The following SPOCK1 variants were observed in gnomAD, a reference collection of about 807,000 sequenced individuals.
The protein encoded by SPOCK1 is SPARC (osteonectin), cwcv and kazal like domains proteoglycan 1.
Under a neutral mutation model 55.3 loss-of-function variants are expected in SPOCK1, and 23 were observed. That is an observed-to-expected ratio of 0.42 (90% CI 0.30 to 0.59). The LOEUF is 0.59. SPOCK1 is among the 20% of genes least tolerant of loss of function. The pLI, the probability that SPOCK1 is intolerant of heterozygous loss-of-function variation, is 0.22. For missense variants in SPOCK1, 499 were observed against 552.5 expected (o/e 0.90, Z 0.97); for synonymous variants, 226 against 221.0 (o/e 1.02, Z -0.20).
At chr5:137,253,527 G>A (rs1756577618) in intron 3 of SPOCK1, among the ~76,000 whole-genome samples, 1 of 152,110 alleles carries the variant, frequency 6.6e-6, no homozygotes. Context: ...CCTTATCACA[G>A]AACTGCCTAA....
chr5:137,072,684 C>A (rs958701209), intron 5 of SPOCK1, among the ~76,000 whole-genome samples: 2 of 152,242 alleles, frequency 1.3e-5, no homozygotes, highest in African/African-American at 4.8e-5. Flanking sequence ...CAGGTCTCAA[C>A]CGAGTACATT....
intron 3 of SPOCK1, among the ~76,000 whole-genome samples, chr5:137,145,185 A>C (rs1464783465): frequency 6.6e-6 from 1 of 152,246 alleles, no homozygotes. Context: ...CAAACCAAGA[A>C]TGAATTAATT....
At chr5:137,196,173 G>A (rs1051691867) in intron 3 of SPOCK1, among the ~76,000 whole-genome samples, 12 of 152,092 alleles carry the variant, frequency 7.9e-5, no homozygotes, top group South Asian at 4.2e-4. Context: ...GTCCATCTAC[G>A]TGCCACCATC....
intron 6 of SPOCK1, among the ~76,000 whole-genome samples, chr5:137,011,428 C>A (rs1751346247): frequency 6.6e-6 from 1 of 152,144 alleles, no homozygotes. Context: ...AGATTGAATT[C>A]ATGGTGTAAT....
At chr5:137,414,165 G>A (rs181256829) in intron 2 of SPOCK1, among the ~76,000 whole-genome samples, 1 of 152,340 alleles carries the variant, frequency 6.6e-6, no homozygotes, top group East Asian at 1.9e-4. Flanking sequence ...TTAGGGATCA[G>A]ACAGATTCTG....
chr5:137,204,426 G>C (rs571639496), intron 3 of SPOCK1, among the ~76,000 whole-genome samples: 1 of 152,130 alleles, frequency 6.6e-6, no homozygotes, highest in Non-Finnish European at 1.5e-5. Flanking sequence ...AGATTGGAAA[G>C]AGGGAAACAT....
At chr5:137,395,329 C>T (rs1434314706) in intron 2 of SPOCK1, among the ~76,000 whole-genome samples, 4 of 152,190 alleles carry the variant, frequency 2.6e-5, no homozygotes, top group Non-Finnish European at 5.9e-5. Context: ...GATTTATCAG[C>T]CATACGAACA....
At chr5:137,004,054 GA>G (rs1373420466) in intron 6 of SPOCK1, among the ~76,000 whole-genome samples, 2 of 152,136 alleles carry the variant, frequency 1.3e-5, no homozygotes, top group African/African-American at 4.8e-5. Context: ...GTGCCATGGG[GA>G]TATGGGTTGA....
chr5:137,087,700 G>C (rs1245182824), intron 5 of SPOCK1, among the ~76,000 whole-genome samples: 1 of 152,222 alleles, frequency 6.6e-6, no homozygotes, highest in Non-Finnish European at 1.5e-5. Context: ...CCAGGACCTT[G>C]GTGTGCAGGA....
chr5:136,988,618 GATGGGC>G lies in SPOCK1; in HGVS notation c.726_731del (p.Pro243_Ile244del). 1 of 1,613,446 alleles carries G rather than the reference GATGGGC, an allele frequency of 6.2e-7. No homozygotes were observed. Among genetic ancestry groups the G allele is most frequent in the Non-Finnish European group, 8.5e-7 (1 of 1,179,592 alleles). Reference sequence around the variant, plus strand: ...ACATCCAGCCCAGGGAGTCCTTGCAGATGGGCAGGATGCTAGTGTCAAACCCTGCCA... The same window carrying G: ...ACATCCAGCCCAGGGAGTCCTTGCAGAGGATGCTAGTGTCAAACCCTGCCA... On this transcript the variant is annotated inframe_deletion, in exon 8 of 11. Transcript: ENST00000394945.
chr5:137,486,418 C>T (rs1754056479), intron 2 of SPOCK1, among the ~76,000 whole-genome samples: 1 of 152,232 alleles, frequency 6.6e-6, no homozygotes, highest in Admixed American at 6.5e-5. Context: ...AAATCCCCAA[C>T]AGGTTTCCCT....
intron 3 of SPOCK1, among the ~76,000 whole-genome samples, chr5:137,233,713 CTTTTTTT>C (rs56328555): frequency 1.7e-5 from 1 of 58,410 alleles, no homozygotes; most frequent in African/African-American, 9.1e-5. Context: ...AGGATATGCA[CTTTTTTT>C]TTTTTTTTTT....
chr5:137,476,571 T>C (rs1387125873), intron 2 of SPOCK1, among the ~76,000 whole-genome samples: 1 of 152,172 alleles, frequency 6.6e-6, no homozygotes, highest in Non-Finnish European at 1.5e-5. Flanking sequence ...TCATGAAACA[T>C]GACCTTCTCA....
At chr5:137,467,273 C>T (rs1753640015) in intron 2 of SPOCK1, among the ~76,000 whole-genome samples, 1 of 152,200 alleles carries the variant, frequency 6.6e-6, no homozygotes, top group African/African-American at 2.4e-5. Flanking sequence ...AGGTCCAGCC[C>T]ATACTCAAGG....
At chr5:137,304,910 G>A (rs1220127014) in intron 2 of SPOCK1, among the ~76,000 whole-genome samples, 2 of 152,128 alleles carry the variant, frequency 1.3e-5, no homozygotes, top group African/African-American at 4.8e-5. Context: ...TTCCTAGGGT[G>A]GCTTTAACAA....
intron 3 of SPOCK1, among the ~76,000 whole-genome samples, chr5:137,212,975 C>G (rs1201436216): frequency 6.6e-6 from 1 of 152,146 alleles, no homozygotes; most frequent in African/African-American, 2.4e-5. Context: ...TCAGCCAGGT[C>G]TAGGGGAGGT....
intron 3 of SPOCK1, among the ~76,000 whole-genome samples, chr5:137,155,273 T>G (rs1011425322): frequency 5.3e-5 from 8 of 152,314 alleles, no homozygotes; most frequent in South Asian, 2.1e-4. Context: ...GCCTCTAATG[T>G]CTATTTCCCA....
At chr5:137,452,719 T>C (rs150976066) in intron 2 of SPOCK1, among the ~76,000 whole-genome samples, 82 of 152,360 alleles carry the variant, frequency 5.4e-4, no homozygotes, top group African/African-American at 1.8e-3. Context: ...GCATTTCAAA[T>C]GCAAAAGCTA....
At chr5:137,169,310 T>C (rs1379557866) in intron 3 of SPOCK1, among the ~76,000 whole-genome samples, 2 of 152,158 alleles carry the variant, frequency 1.3e-5, no homozygotes, top group Admixed American at 1.3e-4. Context: ...AAATTAATTG[T>C]ACATTTAAAA....
Sources: gnomAD v4.1 joint callset for allele counts (sites outside exome capture counted in the v4.1 genomes callset) on GRCh38, gnomAD v4.1.1 for gene constraint, MANE v1.5 for transcripts, NCBI Gene and HGNC (gene_info 2026-07-23, HGNC 2026-07-21) for gene names.